The following BRD2 variants were observed in gnomAD, a reference collection of about 807,000 sequenced individuals.
BRD2 encodes bromodomain containing 2, also known as bromodomain-containing protein 2.
Under a neutral mutation model 79.1 loss-of-function variants are expected in BRD2, and 15 were observed. That is an observed-to-expected ratio of 0.19 (90% confidence interval 0.13 to 0.29). BRD2 has a LOEUF of 0.29. BRD2 is among the 10% of genes least tolerant of loss of function. The pLI is 1.00. For synonymous variants in BRD2, 488 were observed against 358.6 expected, an observed-to-expected ratio of 1.36 and a Z score of -4.08; for missense variants, 1,053 against 991.3, an observed-to-expected ratio of 1.06 and a Z score of -0.84.
chr6:32,973,026 C>T, intron 2 of BRD2, 99 bp downstream of exon 2: 2 of 1,612,344 alleles, frequency 1.2e-6, no homozygotes, highest in East Asian at 2.2e-5. Context: ...CCCCGGCGCG[C>T]TGCTGTTGCG....
intron 12 of BRD2, 43 bp from the exon 13 acceptor site, chr6:32,980,539 G>C: frequency 6.2e-7 from 1 of 1,612,446 alleles, no homozygotes; most frequent in Non-Finnish European, 8.5e-7. Context: ...GACAAATGAA[G>C]ATTCAGACTT....
At chr6:32,974,228 A>G (rs1360452298) in intron 2 of BRD2, among the ~76,000 whole-genome samples, 2 of 152,328 alleles carry the variant, frequency 1.3e-5, no homozygotes, top group African/African-American at 2.4e-5. Flanking sequence ...GATAGAGCCT[A>G]TCAGACTTAA....
rs558232362 is a variant in BRD2, at chr6:32,977,201, G to A, written c.1201-241G>A. 8.8e-6 allele frequency: 13 copies of A among 1,482,048 alleles called. No homozygotes were observed. In the African/African-American group the frequency reaches 1.8e-4, roughly 21 times the overall value. The allele number at this position is 1,482,048 out of a possible 1,614,324, so 91.8% of individuals were successfully genotyped here. ...GCAGTGTTGGGTTAAGGAAGTTATA[G>A]GGTGGAAAAACAGGCATAGGCCACC... On this transcript the variant is annotated intron_variant, in intron 7 of 12. Transcript: ENST00000374825.
chr6:32,980,533 A>G (rs201418138), intron 12 of BRD2, 49 bp from the exon 13 acceptor site: 16 of 1,612,258 alleles, frequency 9.9e-6, no homozygotes, highest in Non-Finnish European at 1.2e-5. Context: ...TTTATTGACA[A>G]ATGAAGATTC....
intron 1 of BRD2, chr6:32,971,125 C>G (rs1227635614): frequency 6.5e-6 from 1 of 153,612 alleles, no homozygotes; most frequent in Non-Finnish European, 1.4e-5. Context: ...GAGGGTTTTT[C>G]CCTTAAGTCA....
Position 32,968,705 on chromosome 6 carries a change from A to G in BRD2, c.-1656A>G, listed in dbSNP as rs1009442813. On this transcript the variant is annotated 5_prime_UTR_variant, in exon 1 of 13. Transcript: ENST00000374825. The stretch of plus-strand genomic sequence containing the variant: ...GGGGATATGGACAAGCAGCAGCGTT[A>G]TAGCGCTCTGGGTTTCGGGACATAG... 6.5e-6 allele frequency: 1 copy of G among 153,304 alleles called. No homozygotes were observed. The highest frequency in any genetic ancestry group is 1.9e-4 in the South Asian group (1 of 5,228). The allele number at this position is 153,304 out of a possible 1,614,324, so 9.5% of individuals were successfully genotyped here.
chr6:32,979,708 T>C (rs1779280606), intron 10 of BRD2, 120 bp from the exon 11 acceptor site: 3 of 1,233,096 alleles, frequency 2.4e-6, no homozygotes, highest in Non-Finnish European at 3.3e-6. Context: ...ACTTGGCCAT[T>C]GAATGGAAAA....
chr6:32,975,595 A>G, intron 4 of BRD2, 74 bp downstream of exon 4: 3 of 1,563,356 alleles, frequency 1.9e-6, no homozygotes, highest in Admixed American at 1.7e-5. Flanking sequence ...TATGTTGTCT[A>G]CATAAAGTTT....
chr6:32,977,381 G>C, intron 7 of BRD2, 61 bp from the exon 8 acceptor site: 3 of 1,612,382 alleles, frequency 1.9e-6, no homozygotes, highest in Non-Finnish European at 2.5e-6. Context: ...GGTGTCTGGG[G>C]TTGGCAGGGA....
rs1205793926 is a variant in BRD2 at position 32,980,824 on chromosome 6, C to G, written c.*106C>G. ...TGCTGTGACACTTCTTCATCTCACC[C>G]CCCCCCGCCCCCCTCTAGGAGAGCT... On this transcript the variant is annotated 3_prime_UTR_variant, in exon 13 of 13. Transcript: ENST00000374825. 3 of 1,339,340 alleles carry G rather than the reference C, an allele frequency of 2.2e-6. No homozygotes were observed. The highest frequency in any genetic ancestry group is 1.9e-5 in the Admixed American group (1 of 52,436). 83.0% of individuals were successfully genotyped at this position (1,339,340 alleles called of 1,614,324 possible). A position where few individuals can be genotyped will look rare whatever the true frequency, so the allele number is the denominator to read the frequency against.
At position 32,976,885 on chromosome 6, in the gene BRD2, G is replaced by C. The variant is rs764354255; in HGVS notation, c.1149G>C (p.Leu383=). The change falls in exon 7 of 13, where the codon CTG becomes CTC. Residue 383 remains leucine, a synonymous_variant. Coordinates refer to ENST00000374825, the MANE Select transcript of BRD2 (RefSeq NM_005104.4). Reference sequence around the variant, plus strand: ...CAGTGGATGCTTCTGCACTTGGCCTGCATGACTACCATGACATCATTAAGC... The same window carrying C: ...CAGTGGATGCTTCTGCACTTGGCCTCCATGACTACCATGACATCATTAAGC... The part of the protein sequence containing the change: ...YKPVDASALG[L]HDYHDIIKHP... 323 of 1,612,904 alleles carry C rather than the reference G, an allele frequency of 2.0e-4. No individual in the cohort carries two copies. The highest frequency in any genetic ancestry group is 2.7e-4 in the Non-Finnish European group (315 of 1,180,000).
rs779477667 is a variant in BRD2 at position 32,978,405 on chromosome 6, A to G, written c.1841+17A>G. 2.4e-5 allele frequency: 38 copies of G among 1,605,864 alleles called. 3 individuals are homozygous for G. The South Asian group carries it at 4.1e-4, about 17-fold the overall frequency. On this transcript the variant is annotated intron_variant, in intron 10 of 12. Transcript: ENST00000374825. ...TGGCACCAAGTGAGTTAGAGTAGGA[A>G]GCAGAGACTAGTTTGGCTATTTCTG... is the stretch of plus-strand genomic sequence containing the variant.
At position 32,977,900 on chromosome 6, in the gene BRD2, T is replaced by A; in HGVS notation, c.1473T>A (p.Ser491=). Residue 491 remains serine (S), a synonymous_variant, in exon 9 of 13, where the codon TCT becomes TCA. Coordinates refer to ENST00000374825, the MANE Select transcript of BRD2 (RefSeq NM_005104.4). ...SSEESSSESS[S]EEEEEEDEED... ...AGGAAAGTAGCAGTGAGAGCTCCTC[T>A]GAGGAAGAGGAGGAGGAAGATGAGG... is the stretch of plus-strand genomic sequence containing the variant. 1 of 1,612,914 alleles carries A rather than the reference T, an allele frequency of 6.2e-7. No individual in the cohort carries two copies. The highest frequency in any genetic ancestry group is 8.5e-7 in the Non-Finnish European group (1 of 1,179,962).
chr6:32,978,786 GACTGGT>G (rs1779115187), intron 10 of BRD2: 2 of 223,618 alleles, frequency 8.9e-6, no homozygotes, highest in African/African-American at 2.3e-5. Flanking sequence ...ACAGGCCACG[GACTGGT>G]ACTGGTCTGG....
At chr6:32,973,146 C>G (rs1234137905) in intron 2 of BRD2, 6 of 1,548,104 alleles carry the variant, frequency 3.9e-6, no homozygotes, top group Non-Finnish European at 5.2e-6. Flanking sequence ...AATTTATACG[C>G]TATTAATGCC....
At chr6:32,978,594 G>A in intron 10 of BRD2, 2 of 782,140 alleles carry the variant, frequency 2.6e-6, no homozygotes, top group South Asian at 3.8e-5. Flanking sequence ...TGGTTTTTGG[G>A]ATGAAACTGT....
rs761966560 is a variant in BRD2, at chr6:32,976,442, C to T, written c.803C>T (p.Pro268Leu). ...CCGCTCCTTGCTGTTACTGCAGCTC[C>T]TCCAGCCCAGCCCCTTGCCAAGGTA... ...GPPLLAVTAA[P>L]PAQPLAKKKG... Residue 268 changes from proline (P) to leucine (L), a missense_variant, in exon 6 of 13, where the codon CCT (proline) becomes CTT (leucine). Pro to Leu is a moderately conservative substitution (Grantham distance 98). Coordinates refer to ENST00000374825, the MANE Select transcript of BRD2 (RefSeq NM_005104.4). 11 of 1,610,778 alleles carry T rather than the reference C, an allele frequency of 6.8e-6. No homozygotes were observed. In the South Asian group the frequency reaches 8.8e-5, roughly 13 times the overall value.
At chr6:32,977,048 C>T (rs898225529) in intron 7 of BRD2, 112 bp downstream of exon 7, 37 of 1,392,124 alleles carry the variant, frequency 2.7e-5, no homozygotes, top group Middle Eastern at 2.1e-4. Flanking sequence ...TGGCATTTTA[C>T]TTTTATAAAA....
At chr6:32,975,708 C>T (rs964145746) in intron 4 of BRD2, among the ~76,000 whole-genome samples, 187 bp downstream of exon 4, 5 of 152,196 alleles carry the variant, frequency 3.3e-5, no homozygotes, top group Admixed American at 6.5e-5. Flanking sequence ...CTTCAGAGCT[C>T]TAGTTGAAGG....
Sources: allele counts gnomAD v4.1 joint callset (sites outside exome capture counted in the v4.1 genomes callset), GRCh38; gene constraint gnomAD v4.1.1; transcripts MANE v1.5; gene names NCBI Gene and HGNC (gene_info 2026-07-23, HGNC 2026-07-21).